DST: variants seen among roughly 807,000 people sequenced by gnomAD.
The protein encoded by DST is bullous pemphigoid antigen.
In DST, 253 loss-of-function variants were observed where a neutral mutation model predicts 875.2. The ratio of observed to expected loss-of-function variants is 0.29; its 90% CI spans 0.26 to 0.32. DST has a LOEUF of 0.32. Ranked by LOEUF, DST falls within the 10% of genes least tolerant of loss-of-function variation. The pLI is 1.00. For synonymous variants in DST, 3,124 were observed against 3,197.1 expected (o/e 0.98, Z 0.77); for missense variants, 8,287 against 9,111.6 (o/e 0.91, Z 3.68).
At chr6:56,949,530 C>T (rs1202471281) in intron 2 of DST, among the ~76,000 whole-genome samples, 1 of 152,168 alleles carries the variant, frequency 6.6e-6, no homozygotes, top group Non-Finnish European at 1.5e-5. Context: ...CTAGAAGGAA[C>T]TGTCAAGGGC....
At chr6:56,742,140 T>C (rs541423035) in intron 4 of DST, 41 of 476,792 alleles carry the variant, frequency 8.6e-5, no homozygotes, top group South Asian at 6.2e-4. Context: ...GTTGTCCTGA[T>C]TTCAGTACAG....
intron 3 of DST, among the ~76,000 whole-genome samples, chr6:56,866,893 G>A (rs373332742): frequency 3.9e-5 from 6 of 152,262 alleles, no homozygotes; most frequent in Non-Finnish European, 7.4e-5. Context: ...CAGTTTGTAT[G>A]TACTCAACGA....
intron 55 of DST, among the ~76,000 whole-genome samples, chr6:56,565,928 C>T (rs980999558): frequency 6.6e-6 from 1 of 152,232 alleles, no homozygotes; most frequent in Non-Finnish European, 1.5e-5. Context: ...AGTCTGGCTA[C>T]AGCAGCTTTA....
rs61368349 is a variant in DST, at chr6:56,464,319, T to C, written c.22759+366A>G. 1,710 of 285,784 alleles carry C rather than the reference T, an allele frequency of 6.0e-3. 27 individuals are homozygous for C. Among genetic ancestry groups the C allele is most frequent in the African/African-American group, 0.034 (1,539 of 45,654 alleles). 17.7% of individuals were successfully genotyped at this position (285,784 alleles called of 1,614,324 possible). ...TCACTTAAATGAGGCAGCTAGTATTTTTATTTTATGCCTTGAAAAACTGTT... is the reference window on the plus strand; with the variant it reads ...TCACTTAAATGAGGCAGCTAGTATTCTTATTTTATGCCTTGAAAAACTGTT... On this transcript the variant is annotated intron_variant, in intron 100 of 103. Transcript: ENST00000680361.
At chr6:56,481,979 G>T in intron 90 of DST, 71 bp downstream of exon 90, 1 of 1,491,004 alleles carries the variant, frequency 6.7e-7, no homozygotes, top group Non-Finnish European at 9.2e-7. Flanking sequence ...GTTGATATTT[G>T]TAATCCCGAG....
In DST at chr6:56,615,403, T is replaced by TA. The variant is rs2098603684; in HGVS notation, c.4930-920dup. 9.6e-6 allele frequency: 15 copies of TA among 1,554,528 alleles called. 1 individual carries two copies. The South Asian group carries it at 1.7e-4, about 17-fold the overall frequency. The stretch of plus-strand genomic sequence containing the variant: ...TTAGCAATTTGCAGCCCTCAAGAAA[T>TA]AGAGTATGTTACATAATTCACAGAC... On this transcript the variant is annotated intron_variant, in intron 36 of 103. Coordinates refer to ENST00000680361, the MANE Select transcript of DST (RefSeq NM_001374736.1).
intron 63 of DST, among the ~76,000 whole-genome samples, chr6:56,534,428 T>C (rs1027116088): frequency 2.0e-5 from 3 of 152,274 alleles, no homozygotes; most frequent in South Asian, 2.1e-4. Context: ...AAAACTATCA[T>C]GTGGTCAGTC....
chr6:56,843,281 A>C, intron 4 of DST: 1 of 1,249,796 alleles, frequency 8.0e-7, no homozygotes, highest in Non-Finnish European at 1.0e-6. Context: ...GAAGCACGGA[A>C]GCCGAAGACG....
Position 56,634,246 on chromosome 6 carries a change from C to G in DST, c.3507G>C (p.Gln1169His). 1 of 1,613,868 alleles carries G rather than the reference C, an allele frequency of 6.2e-7. No individual in the cohort carries two copies. The highest frequency in any genetic ancestry group is 8.5e-7 in the Non-Finnish European group (1 of 1,180,016). ...AVDLANRIEQ[Q>H]YQNVLTLWHE... is the part of the protein sequence containing the mutation. ...GCCAAAGAGTCAGGACATTCTGATA[C>G]TGTTGCTCAATTCTGAAATACATGA... The change falls in exon 27 of 104, where the codon CAG becomes CAC. Residue 1169 changes from glutamine (Q) to histidine (H), a missense_variant. Coordinates refer to ENST00000680361, the MANE Select transcript of DST (RefSeq NM_001374736.1).
At chr6:56,475,358 G>A (rs1326119949) in intron 92 of DST, among the ~76,000 whole-genome samples, 1 of 150,814 alleles carries the variant, frequency 6.6e-6, no homozygotes, top group Non-Finnish European at 1.5e-5. Context: ...TACACTTAGA[G>A]CCATTATAGA....
chr6:56,712,933 T>C (rs1327424054), intron 5 of DST, among the ~76,000 whole-genome samples: 3 of 152,178 alleles, frequency 2.0e-5, no homozygotes, highest in African/African-American at 7.2e-5. Flanking sequence ...AAATTGATCA[T>C]TATAAATTTA....
chr6:56,610,409 TTAAA>T lies in DST; in HGVS notation c.5283+14_5283+17del. On this transcript the variant is annotated intron_variant, in intron 39 of 103. Transcript: ENST00000680361. ...TAAGCTTCTTGAAACAGCCTCATGT[TTAAA>T]TAAATAATATTACCTTCTCCTCTAC... The T allele has an allele frequency of 6.6e-7, 1 of 1,525,772 alleles. No individual in the cohort carries two copies. Among genetic ancestry groups the T allele is most frequent in the South Asian group, 1.3e-5 (1 of 77,242 alleles). 94.5% of individuals were successfully genotyped at this position (1,525,772 alleles called of 1,614,324 possible).
Position 56,851,424 on chromosome 6 carries a change from C to A in DST, c.598G>T (p.Ala200Ser). The A allele has an allele frequency of 6.2e-7, 1 of 1,613,598 alleles. No homozygotes were observed. The highest frequency in any genetic ancestry group is 8.5e-7 in the Non-Finnish European group (1 of 1,179,870). ...GCTATCCGAAGCACTGCCCTCTCGGCAGGGTCCAGCACTGAGCCCCCTTGA... is the reference window on the plus strand; with the variant it reads ...GCTATCCGAAGCACTGCCCTCTCGGAAGGGTCCAGCACTGAGCCCCCTTGA... ...KIQGGSVLDP[A>S]ERAVLRIADE... Residue 200 changes from alanine to serine, a missense_variant, in exon 4 of 104, where the codon GCC becomes TCC. Ala to Ser is a moderately conservative substitution (Grantham distance 99). Around this residue, in one of 10 missense-constraint regions of DST, gnomAD observed 1,160 missense variants for 1,424.3 expected, o/e 0.81. Coordinates refer to ENST00000680361, the MANE Select transcript of DST (RefSeq NM_001374736.1).
In DST at chr6:56,614,381, C is replaced by T; in HGVS notation, c.5033G>A (p.Gly1678Glu). 1 of 1,608,078 alleles carries T rather than the reference C, an allele frequency of 6.2e-7. No homozygotes were observed. Among genetic ancestry groups the T allele is most frequent in the Non-Finnish European group, 8.5e-7 (1 of 1,177,328 alleles). Reference protein sequence around the residue: ...SKTLKDAEKAGKPPFSKQKIS... With the variant: ...SKTLKDAEKAEKPPFSKQKIS... ...CTTTTGCTTAGAGAAGGGAGGTTTT[C>T]CAGCCTTCTCTGCATCTTTCAATGT... Residue 1678 changes from glycine (G) to glutamate (E), a missense_variant, in exon 37 of 104, where the codon GGA (glycine) becomes GAA (glutamate). Around this residue, in one of 10 missense-constraint regions of DST, gnomAD observed 3,138 missense variants for 3,116.6 expected, o/e 1.01. Transcript: ENST00000680361.
Position 56,469,923 on chromosome 6 carries a change from T to C in DST, c.22511A>G (p.Lys7504Arg). 1 of 1,613,534 alleles carries C rather than the reference T, an allele frequency of 6.2e-7. No homozygotes were observed. The highest frequency in any genetic ancestry group is 8.5e-7 in the Non-Finnish European group (1 of 1,179,502). Residue 7504 changes from lysine to arginine, a missense_variant, in exon 97 of 104, where the codon AAG (lysine) becomes AGG (arginine). Around this residue, in one of 10 missense-constraint regions of DST, gnomAD observed 87 missense variants for 209.7 expected, o/e 0.41. Transcript: ENST00000680361. ...ACCAATCTGCTCAACTTGAAATCGC[T>C]TTGCACATTTACACTTAGCTACCTG... is the stretch of plus-strand genomic sequence containing the variant. ...TRQVAKCKCA[K>R]RFQVEQIGDN...
At chr6:56,578,333 C>T (rs541190952) in intron 50 of DST, among the ~76,000 whole-genome samples, 60 of 152,142 alleles carry the variant, frequency 3.9e-4, no homozygotes, top group Non-Finnish European at 7.4e-4. Context: ...CATGATTGTG[C>T]CACTGCACTC....
At chr6:56,497,661 C>A in intron 81 of DST, 154 bp from the exon 82 acceptor site, 1 of 1,016,152 alleles carries the variant, frequency 9.8e-7, no homozygotes, top group East Asian at 2.6e-5. Context: ...CAGGAGAGCT[C>A]TAGTAGATAA....
intron 10 of DST, among the ~76,000 whole-genome samples, chr6:56,660,633 A>G (rs915021009): frequency 2.6e-5 from 4 of 151,932 alleles, no homozygotes; most frequent in African/African-American, 9.7e-5. Flanking sequence ...AAAAGAAAAA[A>G]AAAAAAAGGC....
intron 102 of DST, 58 bp downstream of exon 102, chr6:56,462,988 G>A (rs910669355): frequency 6.3e-6 from 6 of 959,158 alleles, no homozygotes; most frequent in Non-Finnish European, 9.8e-6. Context: ...CGATGTTAGT[G>A]AGTGATAGCT....
Sources: gnomAD v4.1 joint callset for allele counts (sites outside exome capture counted in the v4.1 genomes callset) on GRCh38, gnomAD v4.1.1 for gene constraint, gnomAD v4.1.1 regional missense constraint, MANE v1.5 for transcripts, NCBI Gene and HGNC (gene_info 2026-07-23, HGNC 2026-07-21) for gene names.